Variants in MYO1D observed in about 807,000 individuals in gnomAD.
The protein encoded by MYO1D is myosin ID, also known as unconventional myosin-Id.
Under a neutral mutation model 122.0 loss-of-function variants are expected in MYO1D, and 83 were observed. The observed-to-expected ratio is 0.68, with a 90% CI of 0.57 to 0.82. MYO1D has a LOEUF of 0.82. Among genes scored for constraint, MYO1D ranks in the 40% least tolerant of loss-of-function variants. The pLI, the probability that MYO1D is intolerant of heterozygous loss-of-function variation, is 0.00. For missense variants in MYO1D, 1,157 were observed against 1,269.5 expected (o/e 0.91, Z 1.35); for synonymous variants, 464 against 446.9 (o/e 1.04, Z -0.48).
intron 16 of MYO1D, among the ~76,000 whole-genome samples, chr17:32,662,311 T>C (rs1438786581): frequency 1.3e-5 from 2 of 152,224 alleles, no homozygotes; most frequent in African/African-American, 4.8e-5. Context: ...TCTTGAGTTA[T>C]AAAAGCAGAG....
chr17:32,750,685 C>T (rs1475407679), intron 11 of MYO1D, among the ~76,000 whole-genome samples: 1 of 152,070 alleles, frequency 6.6e-6, no homozygotes, highest in African/African-American at 2.4e-5. Flanking sequence ...TTCTAATGTT[C>T]GATAACAAAT....
intron 19 of MYO1D, among the ~76,000 whole-genome samples, chr17:32,653,126 A>T (rs1159735018): frequency 1.3e-5 from 2 of 151,624 alleles, no homozygotes; most frequent in African/African-American, 4.8e-5. Context: ...TGGGCGACAG[A>T]ATGAGACTCC....
At chr17:32,708,881 C>T (rs2089340594) in intron 16 of MYO1D, among the ~76,000 whole-genome samples, 1 of 152,080 alleles carries the variant, frequency 6.6e-6, no homozygotes, top group Admixed American at 6.5e-5. Flanking sequence ...TAATTTCTCA[C>T]CAGAAAAAAA....
At chr17:32,607,021 GT>G (rs1236912448) in intron 20 of MYO1D, among the ~76,000 whole-genome samples, 2 of 152,226 alleles carry the variant, frequency 1.3e-5, no homozygotes, top group East Asian at 3.9e-4. Context: ...TTAGCCAGGT[GT>G]GGTGGCAGGC....
At chr17:32,583,919 T>G (rs572563989) in intron 21 of MYO1D, among the ~76,000 whole-genome samples, 2 of 152,254 alleles carry the variant, frequency 1.3e-5, no homozygotes, top group African/African-American at 4.8e-5. Context: ...GGGTCTTTTT[T>G]GATATCTTGC....
At position 32,659,309 on chromosome 17, in the gene MYO1D, C is replaced by A; in HGVS notation, c.2151G>T (p.Arg717=). The change falls in exon 17 of 22, where the codon CGG becomes CGT. Residue 717 remains arginine, a synonymous_variant. Transcript: ENST00000318217. Reference sequence around the variant, plus strand: ...TCAGAGCTGCCTTGGTTCTTTTGTACCGCATGCGGGCCAGGGTGCCCCGCC... The same window carrying A: ...TCAGAGCTGCCTTGGTTCTTTTGTAACGCATGCGGGCCAGGGTGCCCCGCC... The part of the protein sequence containing the change: ...KVWRGTLARM[R]YKRTKAALTI... The A allele has an allele frequency of 6.2e-7, 1 of 1,614,190 alleles. No homozygotes were observed. Among genetic ancestry groups the A allele is most frequent in the Non-Finnish European group, 8.5e-7 (1 of 1,180,036 alleles).
intron 19 of MYO1D, among the ~76,000 whole-genome samples, chr17:32,642,836 G>C (rs2088223805): frequency 6.6e-6 from 1 of 152,216 alleles, no homozygotes; most frequent in South Asian, 2.1e-4. Flanking sequence ...TGAGACCATG[G>C]GGTTTTCTAG....
chr17:32,805,746 G>A (rs74489372), intron 1 of MYO1D, among the ~76,000 whole-genome samples: 4,528 of 152,260 alleles, frequency 0.03, 144 homozygotes, highest in East Asian at 0.19. Context: ...GCTCATTCAG[G>A]TTGGGCTGGT....
intron 19 of MYO1D, among the ~76,000 whole-genome samples, chr17:32,641,517 C>T (rs947893335): frequency 4.6e-5 from 7 of 152,198 alleles, no homozygotes; most frequent in Non-Finnish European, 8.8e-5. Context: ...ACACTGTCTT[C>T]CACAATGGTT....
At chr17:32,558,616 G>C (rs1193020144) in intron 21 of MYO1D, among the ~76,000 whole-genome samples, 1 of 152,286 alleles carries the variant, frequency 6.6e-6, no homozygotes, top group East Asian at 1.9e-4. Context: ...GTTCTCCCTG[G>C]TTTTGCTATA....
At chr17:32,530,769 C>A (rs1331211268) in intron 21 of MYO1D, among the ~76,000 whole-genome samples, 1 of 151,952 alleles carries the variant, frequency 6.6e-6, no homozygotes, top group African/African-American at 2.4e-5. Context: ...CCACTGCACC[C>A]CAGCCTGGGC....
At chr17:32,790,392 G>A (rs2090338278) in intron 1 of MYO1D, among the ~76,000 whole-genome samples, 1 of 152,032 alleles carries the variant, frequency 6.6e-6, no homozygotes, top group South Asian at 2.1e-4. Flanking sequence ...ACACCTGTTT[G>A]TTTCCTAAAT....
At chr17:32,642,318 G>C (rs376061617) in intron 19 of MYO1D, among the ~76,000 whole-genome samples, 1 of 152,206 alleles carries the variant, frequency 6.6e-6, no homozygotes, top group Non-Finnish European at 1.5e-5. Context: ...GTACTATGCT[G>C]TTTTGGTTAC....
chr17:32,495,692 G>A (rs527785276), intron 21 of MYO1D: 11 of 152,560 alleles, frequency 7.2e-5, no homozygotes, highest in African/African-American at 9.6e-5. Context: ...GGTTTTAAAA[G>A]CAGAGACACT....
intron 3 of MYO1D, among the ~76,000 whole-genome samples, chr17:32,777,693 C>T (rs186803228): frequency 6.6e-6 from 1 of 152,062 alleles, no homozygotes; most frequent in African/African-American, 2.4e-5. Flanking sequence ...TGCCTGTAAT[C>T]CTAGCACTTT....
chr17:32,579,079 C>CT (rs1315235563), intron 21 of MYO1D, among the ~76,000 whole-genome samples: 1 of 151,886 alleles, frequency 6.6e-6, no homozygotes, highest in South Asian at 2.1e-4. Context: ...TTCCCTTTTT[C>CT]TTTTTTTGAG....
intron 14 of MYO1D, among the ~76,000 whole-genome samples, chr17:32,724,131 T>C (rs190469010): frequency 1.3e-5 from 2 of 152,204 alleles, no homozygotes; most frequent in African/African-American, 4.8e-5. Flanking sequence ...GCGGAGGCAC[T>C]GTTTACTTAA....
intron 16 of MYO1D, among the ~76,000 whole-genome samples, chr17:32,696,128 G>GT (rs1294156088): frequency 1.3e-5 from 2 of 151,974 alleles, no homozygotes; most frequent in African/African-American, 4.8e-5. Context: ...ATTTTCTAAG[G>GT]TAAGCTCTTT....
At chr17:32,674,536 T>A (rs116159790) in intron 16 of MYO1D, among the ~76,000 whole-genome samples, 3,941 of 152,214 alleles carry the variant, frequency 0.026, 131 homozygotes, top group African/African-American at 0.082. Context: ...GTTTTTTTTT[T>A]AAAGTACTTA....
Sources: allele counts gnomAD v4.1 joint callset (sites outside exome capture counted in the v4.1 genomes callset), GRCh38; gene constraint gnomAD v4.1.1; transcripts MANE v1.5; gene names NCBI Gene and HGNC (gene_info 2026-07-23, HGNC 2026-07-21).